The following KCNAB1 variants were observed in gnomAD, a reference collection of about 807,000 sequenced individuals.
KCNAB1 encodes the protein voltage-gated potassium channel subunit beta-1.
Under a neutral mutation model 64.6 loss-of-function variants are expected in KCNAB1, and 35 were observed. The observed-to-expected ratio is 0.54, with a 90% CI of 0.41 to 0.72. KCNAB1 has a LOEUF of 0.72. Among genes scored for constraint, KCNAB1 ranks in the 30% least tolerant of loss-of-function variants. KCNAB1 has a pLI of 0.00. For missense variants in KCNAB1, 401 were observed against 512.9 expected (o/e 0.78, Z 2.11); for synonymous variants, 177 against 183.8 (o/e 0.96, Z 0.30).
chr3:156,137,224 G>C (rs868593670), intron 1 of KCNAB1, among the ~76,000 whole-genome samples: 15 of 15,926 alleles, frequency 9.4e-4, no homozygotes, highest in Non-Finnish European at 1.8e-3. Flanking sequence ...ATACATTGGT[G>C]GGGGGGGATT....
rs146177484 is a variant in KCNAB1 at position 156,209,832 on chromosome 3, A to G, written c.275+88946A>G. ...ATCTTGTTCAAACTGTTTATTGCAT[A>G]GCAAACATTTCTCCAGAATGGCAGA... is the stretch of plus-strand genomic sequence containing the variant. On this transcript the variant is annotated intron_variant, in intron 1 of 13. Transcript: ENST00000490337. Among the ~76,000 whole-genome samples, 423 of 152,374 alleles carry G rather than the reference A, an allele frequency of 2.8e-3. 3 individuals are homozygous for G. The highest frequency in any genetic ancestry group is 9.4e-3 in the African/African-American group (391 of 41,590).
intron 1 of KCNAB1, among the ~76,000 whole-genome samples, chr3:156,281,937 T>G (rs1294821783): frequency 5.3e-5 from 8 of 149,650 alleles, no homozygotes; most frequent in Non-Finnish European, 1.0e-4. Flanking sequence ...CATTAATTTT[T>G]TGAAGGGTTT....
chr3:156,263,138 A>G (rs1576656682), intron 1 of KCNAB1, among the ~76,000 whole-genome samples: 1 of 151,624 alleles, frequency 6.6e-6, no homozygotes, highest in Admixed American at 6.6e-5. Context: ...TTCTACTCTA[A>G]TCTTCATTAA....
intron 2 of KCNAB1, among the ~76,000 whole-genome samples, chr3:156,434,394 A>G (rs939347929): frequency 6.6e-6 from 1 of 152,248 alleles, no homozygotes; most frequent in African/African-American, 2.4e-5. Flanking sequence ...AGCTCATCAT[A>G]CTGTCAGCAT....
At chr3:156,274,517 T>C (rs575499938) in intron 1 of KCNAB1, among the ~76,000 whole-genome samples, 9 of 152,280 alleles carry the variant, frequency 5.9e-5, no homozygotes, top group Admixed American at 2.6e-4. Context: ...ACTTTTTTTT[T>C]TCTTTTAACT....
intron 10 of KCNAB1, 59 bp downstream of exon 10, chr3:156,515,279 G>A: frequency 6.7e-7 from 1 of 1,497,502 alleles, no homozygotes; most frequent in Non-Finnish European, 9.1e-7. Flanking sequence ...CACTGATTCG[G>A]GGAAAAAATA....
chr3:156,494,686 C>A (rs1207695606), intron 8 of KCNAB1, among the ~76,000 whole-genome samples: 2 of 152,122 alleles, frequency 1.3e-5, no homozygotes, highest in Non-Finnish European at 2.9e-5. Context: ...CTTGTAGTCA[C>A]ACACACTGAG....
At chr3:156,177,533 C>T (rs1043631216) in intron 1 of KCNAB1, among the ~76,000 whole-genome samples, 2 of 151,758 alleles carry the variant, frequency 1.3e-5, no homozygotes, top group African/African-American at 2.4e-5. Context: ...CCCGCCACCC[C>T]GCCTGGCTAA....
intron 1 of KCNAB1, among the ~76,000 whole-genome samples, chr3:156,194,580 GTTTA>G (rs1713775599): frequency 1.3e-5 from 2 of 152,042 alleles, no homozygotes; most frequent in South Asian, 4.1e-4. Flanking sequence ...TACTTTTGGA[GTTTA>G]TTTATCTTCT....
chr3:156,152,489 G>A (rs1013644619), intron 1 of KCNAB1, among the ~76,000 whole-genome samples: 1 of 152,214 alleles, frequency 6.6e-6, no homozygotes, highest in African/African-American at 2.4e-5. Context: ...TGTGGGAGGG[G>A]TGGGAGCTTT....
chr3:156,367,429 C>T (rs892361963), intron 1 of KCNAB1, among the ~76,000 whole-genome samples: 2 of 151,952 alleles, frequency 1.3e-5, no homozygotes, highest in African/African-American at 4.8e-5. Context: ...GATCTACCCG[C>T]CTCGGCCTCC....
intron 1 of KCNAB1, among the ~76,000 whole-genome samples, chr3:156,414,059 C>T (rs1020588794): frequency 2.0e-5 from 3 of 152,216 alleles, no homozygotes; most frequent in African/African-American, 7.2e-5. Context: ...TCACCCTCCT[C>T]CTCAGTCAGG....
intron 1 of KCNAB1, among the ~76,000 whole-genome samples, chr3:156,228,743 G>A (rs1716338513): frequency 6.6e-6 from 1 of 152,208 alleles, no homozygotes; most frequent in Non-Finnish European, 1.5e-5. Context: ...GGATAGATCA[G>A]AGAAAAACCT....
intron 1 of KCNAB1, among the ~76,000 whole-genome samples, chr3:156,339,462 G>A (rs940790075): frequency 6.6e-6 from 1 of 152,162 alleles, no homozygotes; most frequent in African/African-American, 2.4e-5. Flanking sequence ...TACAGAGGAG[G>A]AGTTGAGGTT....
intron 1 of KCNAB1, among the ~76,000 whole-genome samples, chr3:156,146,452 A>G: frequency 6.6e-6 from 1 of 152,212 alleles, no homozygotes; most frequent in East Asian, 1.9e-4. Context: ...GAGTAGTTTT[A>G]TGAGAAAAAC....
At chr3:156,408,050 A>G (rs1254806238) in intron 1 of KCNAB1, among the ~76,000 whole-genome samples, 21 of 149,886 alleles carry the variant, frequency 1.4e-4, no homozygotes, top group African/African-American at 4.4e-4. Flanking sequence ...GTGACGGGGG[A>G]GGGGGTGCAG....
chr3:156,498,866 T>C (rs1716187491), intron 8 of KCNAB1, among the ~76,000 whole-genome samples: 1 of 152,234 alleles, frequency 6.6e-6, no homozygotes, highest in Non-Finnish European at 1.5e-5. Flanking sequence ...GAAGCATTTC[T>C]TTGAAGAATT....
At chr3:156,157,889 T>C (rs1390339431) in intron 1 of KCNAB1, among the ~76,000 whole-genome samples, 1 of 151,994 alleles carries the variant, frequency 6.6e-6, no homozygotes, top group Non-Finnish European at 1.5e-5. Context: ...TGTATTACTA[T>C]AATAAAAGGG....
chr3:156,275,959 G>T (rs539905969), intron 1 of KCNAB1, among the ~76,000 whole-genome samples: 105 of 147,786 alleles, frequency 7.1e-4, no homozygotes, highest in Middle Eastern at 3.5e-3. Flanking sequence ...AGAATGGTGA[G>T]TTTTTTTTTT....
Sources: allele counts gnomAD v4.1 joint callset (sites outside exome capture counted in the v4.1 genomes callset), GRCh38; gene constraint gnomAD v4.1.1; transcripts MANE v1.5; gene names NCBI Gene and HGNC (gene_info 2026-07-23, HGNC 2026-07-21).